The following MYLK variants were observed in gnomAD, a reference collection of about 807,000 sequenced individuals.
MYLK encodes myosin light chain kinase.
Under a neutral mutation model 203.4 loss-of-function variants are expected in MYLK, and 106 were observed. The observed-to-expected ratio is 0.52, with a 90% confidence interval of 0.45 to 0.61. MYLK has a LOEUF of 0.61. MYLK is among the 20% of genes least tolerant of loss of function. The probability of loss-of-function intolerance (pLI) is 0.00; values close to 1 mark genes in which losing one functional copy is unlikely to be tolerated. For missense variants in MYLK, 2,072 were observed against 2,442.3 expected, an observed-to-expected ratio of 0.85 and a Z score of 3.20; for synonymous variants, 867 against 959.5, an observed-to-expected ratio of 0.90 and a Z score of 1.78.
chr3:123,631,092 T>C (rs950093996), intron 29 of MYLK, among the ~76,000 whole-genome samples: 1 of 152,188 alleles, frequency 6.6e-6, no homozygotes, highest in African/African-American at 2.4e-5. Flanking sequence ...TGATCTCAGC[T>C]GAGCCCCATG....
rs561657247 is a variant in MYLK at position 123,759,403 on chromosome 3, C to T, written c.166-6865G>A. 2.0e-5 allele frequency among the ~76,000 whole-genome samples: 3 copies of T among 152,296 alleles called. No individual in the cohort carries two copies. In the East Asian group the frequency reaches 5.8e-4, roughly 29 times the overall value. ...GTGGCAGCTCTCCAGTTTCTGCTAC[C>T]AAATAGAGATGCACTCTCAGACATA... On this transcript the variant is annotated intron_variant, in intron 4 of 33. Coordinates refer to ENST00000360304, the MANE Select transcript of MYLK (RefSeq NM_053025.4).
intron 24 of MYLK, among the ~76,000 whole-genome samples, chr3:123,652,464 A>T (rs1300062631): frequency 1.3e-5 from 2 of 152,212 alleles, no homozygotes; most frequent in Non-Finnish European, 2.9e-5. Context: ...GCACAAGTCC[A>T]GTCAGTCCCC....
At chr3:123,768,268 T>C (rs373192511) in intron 4 of MYLK, among the ~76,000 whole-genome samples, 2 of 152,218 alleles carry the variant, frequency 1.3e-5, no homozygotes, top group African/African-American at 4.8e-5. Flanking sequence ...CTTTCCAAGC[T>C]TGGTGTTTTT....
At chr3:123,869,716 A>G (rs1224686991) in intron 2 of MYLK, among the ~76,000 whole-genome samples, 3 of 152,196 alleles carry the variant, frequency 2.0e-5, no homozygotes, top group African/African-American at 7.2e-5. Flanking sequence ...ACCCCTCACA[A>G]CAATTCTGGG....
intron 1 of MYLK, among the ~76,000 whole-genome samples, chr3:123,880,096 T>C (rs1192390770): frequency 6.6e-6 from 1 of 152,238 alleles, no homozygotes; most frequent in Non-Finnish European, 1.5e-5. Context: ...CTTTGTTTTG[T>C]GCCTATTTAT....
At chr3:123,712,021 T>C (rs1416977896) in intron 13 of MYLK, among the ~76,000 whole-genome samples, 1 of 152,190 alleles carries the variant, frequency 6.6e-6, no homozygotes, top group Admixed American at 6.5e-5. Context: ...GGAGGAAAAC[T>C]TCCCCCAAAG....
rs146073242 is a variant in MYLK at position 123,737,493 on chromosome 3, G to T, written c.639C>A (p.Asn213Lys). ...PSARVSVSEK[N>K]GMQVLEIHGV... ...CATGGATTTCCAGAACCTGCATGCC[G>T]TTCTTCTCAGACACAGACACACGGG... Residue 213 changes from asparagine to lysine, a missense_variant, in exon 8 of 34, where the codon AAC becomes AAA. Asn to Lys is a moderately conservative substitution (Grantham distance 94). This residue lies in a region of MYLK where 683 missense variants were observed against 643.8 expected (regional missense o/e 1.06). Coordinates refer to ENST00000360304, the MANE Select transcript of MYLK (RefSeq NM_053025.4). 1 of 1,614,176 alleles carries T rather than the reference G, an allele frequency of 6.2e-7. No individual in the cohort carries two copies. Among genetic ancestry groups the T allele is most frequent in the Non-Finnish European group, 8.5e-7 (1 of 1,180,036 alleles).
At chr3:123,645,935 G>A (rs1471175111) in intron 27 of MYLK, among the ~76,000 whole-genome samples, 5 of 152,162 alleles carry the variant, frequency 3.3e-5, no homozygotes, top group Admixed American at 3.3e-4. Context: ...CTTGAGCCCA[G>A]GAGTTCGAGA....
At position 123,834,973 on chromosome 3, in the gene MYLK, A is replaced by C. The variant is rs2066438932; in HGVS notation, c.-126-3303T>G. ...TTGTTGGCTGGACAGAGAGCTGGGC[A>C]ATGGTGCACTATAAGCATGCCCATG... is the stretch of plus-strand genomic sequence containing the variant. On this transcript the variant is annotated intron_variant, in intron 2 of 33. Coordinates refer to ENST00000360304, the MANE Select transcript of MYLK (RefSeq NM_053025.4). 2.0e-5 allele frequency among the ~76,000 whole-genome samples: 3 copies of C among 152,232 alleles called. No homozygotes were observed. The South Asian group carries it at 6.2e-4, about 32-fold the overall frequency.
rs1445243033 is a variant in MYLK at position 123,648,598 on chromosome 3, A to G, written c.4415+373T>C. On this transcript the variant is annotated intron_variant, in intron 26 of 33. Transcript: ENST00000360304. This position sits in a 1 kb window ranked among gnomAD's most constrained non-coding sequence, Gnocchi z 4.5. The stretch of plus-strand genomic sequence containing the variant: ...CCACCATCTAGGTATTAAGCTCAGC[A>G]TGCATTAGCTCTTCTCCCTAATGTT... Among the ~76,000 whole-genome samples, 1 of 152,138 alleles carries G rather than the reference A, an allele frequency of 6.6e-6. No individual in the cohort carries two copies. The highest frequency in any genetic ancestry group is 1.9e-4 in the East Asian group (1 of 5,194).
chr3:123,725,850 A>C, intron 12 of MYLK, 94 bp downstream of exon 12: 1 of 1,527,304 alleles, frequency 6.5e-7, no homozygotes, highest in Non-Finnish European at 8.9e-7. Flanking sequence ...CAGGATGTCC[A>C]AGGCATAAAT....
At chr3:123,723,803 G>T (rs944560715) in intron 12 of MYLK, among the ~76,000 whole-genome samples, 4 of 152,236 alleles carry the variant, frequency 2.6e-5, no homozygotes, top group African/African-American at 9.7e-5. Context: ...CGTCTTGAGT[G>T]ATGTATAAAC....
intron 30 of MYLK, among the ~76,000 whole-genome samples, chr3:123,627,769 G>A (rs920816943): frequency 6.6e-6 from 1 of 152,010 alleles, no homozygotes; most frequent in African/African-American, 2.4e-5. Flanking sequence ...GTGCTGATAG[G>A]TGGTGATTTC....
chr3:123,837,072 T>C (rs1343942547), intron 2 of MYLK, among the ~76,000 whole-genome samples: 1 of 152,176 alleles, frequency 6.6e-6, no homozygotes, highest in Non-Finnish European at 1.5e-5. Context: ...GGAGTTTCGC[T>C]CTTGTTGCCC....
intron 29 of MYLK, 114 bp downstream of exon 29, chr3:123,637,957 G>T: frequency 6.7e-7 from 1 of 1,495,306 alleles, no homozygotes; most frequent in Non-Finnish European, 9.2e-7. Context: ...TCTGGGGGGG[G>T]CTCCCCATCA....
In MYLK at chr3:123,822,315, C is replaced by T. The variant is rs1186362994; in HGVS notation, c.-4+9233G>A. Among the ~76,000 whole-genome samples, 3 of 152,218 alleles carry T rather than the reference C, an allele frequency of 2.0e-5. No homozygotes were observed. In the East Asian group the frequency reaches 5.8e-4, roughly 29 times the overall value. On this transcript the variant is annotated intron_variant, in intron 3 of 33. Coordinates refer to ENST00000360304, the MANE Select transcript of MYLK (RefSeq NM_053025.4). The stretch of plus-strand genomic sequence containing the variant: ...GGCCAGACCCTCAGGCCTGGGTACT[C>T]CTCATCAATACAGAGAAATGAAACC...
chr3:123,748,067 C>T (rs1460974062), intron 5 of MYLK, among the ~76,000 whole-genome samples: 1 of 152,200 alleles, frequency 6.6e-6, no homozygotes. Context: ...TGTGGTTCTG[C>T]AGGCTGTACA....
chr3:123,850,201 CAT>C (rs941957515), intron 2 of MYLK, among the ~76,000 whole-genome samples: 7 of 152,174 alleles, frequency 4.6e-5, no homozygotes, highest in Admixed American at 1.3e-4. Flanking sequence ...TTGCAGTAAA[CAT>C]ATGTGTGCAT....
At chr3:123,660,686 G>T (rs1163997776) in intron 23 of MYLK, among the ~76,000 whole-genome samples, 2 of 152,218 alleles carry the variant, frequency 1.3e-5, no homozygotes, top group African/African-American at 4.8e-5. Context: ...GCCCTTTAAA[G>T]AATATACAAT....
Sources: gnomAD v4.1 joint callset for allele counts (sites outside exome capture counted in the v4.1 genomes callset) on GRCh38, gnomAD v4.1.1 for gene constraint, gnomAD v4.1.1 regional missense constraint, Gnocchi (gnomAD v3.1) non-coding constraint, MANE v1.5 for transcripts, NCBI Gene and HGNC (gene_info 2026-07-23, HGNC 2026-07-21) for gene names.